The following GABBR2 variants were observed in gnomAD, a reference collection of about 807,000 sequenced individuals.
GABBR2 encodes gamma-aminobutyric acid type B receptor subunit 2, also known as G-protein coupled receptor 51.
In GABBR2, 23 loss-of-function variants were observed where a neutral mutation model predicts 105.6. The ratio of observed to expected loss-of-function variants is 0.22; its 90% CI spans 0.16 to 0.31. The LOEUF (loss-of-function observed/expected upper bound fraction) is 0.31, where lower values mean the gene tolerates loss of function less well. Ranked by LOEUF, GABBR2 falls within the 10% of genes least tolerant of loss-of-function variation. The pLI, the probability that GABBR2 is intolerant of heterozygous loss-of-function variation, is 1.00. For synonymous variants in GABBR2, 478 were observed against 499.7 expected (o/e 0.96, Z 0.58); for missense variants, 734 against 1,245.5 (o/e 0.59, Z 6.18).
At chr9:98,493,812 C>A (rs972621024) in intron 4 of GABBR2, among the ~76,000 whole-genome samples, 1 of 152,190 alleles carries the variant, frequency 6.6e-6, no homozygotes, top group African/African-American at 2.4e-5. Context: ...ACACACTCAA[C>A]AAATTGTTGA....
chr9:98,469,069 C>T (rs1244888806), intron 6 of GABBR2, among the ~76,000 whole-genome samples: 1 of 152,212 alleles, frequency 6.6e-6, no homozygotes, highest in African/African-American at 2.4e-5. Context: ...TCTCACAGTT[C>T]TGGAGGCCAG....
chr9:98,401,961 T>C (rs540402191), intron 8 of GABBR2, among the ~76,000 whole-genome samples: 2 of 152,276 alleles, frequency 1.3e-5, no homozygotes, highest in African/African-American at 2.4e-5. Flanking sequence ...GAAGACCAAA[T>C]GGTAATTAAT....
Position 98,495,471 on chromosome 9 carries a change from C to T in GABBR2, c.732+942G>A, listed in dbSNP as rs10122782. The stretch of plus-strand genomic sequence containing the variant: ...TTGATAGCTCTGATGACACTGGCAC[C>T]TGCTTACAAACCTCCAGGAAGTCCC... On this transcript the variant is annotated intron_variant, in intron 4 of 18. Coordinates refer to ENST00000259455, the MANE Select transcript of GABBR2 (RefSeq NM_005458.8). 2.9e-3 allele frequency among the ~76,000 whole-genome samples: 434 copies of T among 152,178 alleles called. 2 individuals are homozygous for T. Among genetic ancestry groups the T allele is most frequent in the African/African-American group, 1.0e-2 (415 of 41,520 alleles).
chr9:98,577,640 G>A (rs1828938921), intron 2 of GABBR2, among the ~76,000 whole-genome samples: 1 of 152,190 alleles, frequency 6.6e-6, no homozygotes, highest in Non-Finnish European at 1.5e-5. Context: ...AGATAACACT[G>A]GGCAGGCAGG....
At chr9:98,681,989 C>A (rs1038184538) in intron 1 of GABBR2, among the ~76,000 whole-genome samples, 1 of 152,100 alleles carries the variant, frequency 6.6e-6, no homozygotes, top group Admixed American at 6.5e-5. Context: ...TGTAATCCCA[C>A]TTTGGGGGGT....
At chr9:98,663,315 T>G (rs1830291297) in intron 1 of GABBR2, among the ~76,000 whole-genome samples, 1 of 152,050 alleles carries the variant, frequency 6.6e-6, no homozygotes, top group African/African-American at 2.4e-5. Context: ...ATGGAGATAT[T>G]CAGTGCTGGC....
At chr9:98,643,074 A>G (rs908716930) in intron 1 of GABBR2, among the ~76,000 whole-genome samples, 4 of 152,236 alleles carry the variant, frequency 2.6e-5, no homozygotes, top group African/African-American at 9.6e-5. Context: ...TGGGTAATGA[A>G]GTGGAAAAGT....
chr9:98,481,324 G>A (rs1826918221), intron 4 of GABBR2, among the ~76,000 whole-genome samples: 1 of 152,182 alleles, frequency 6.6e-6, no homozygotes, highest in Non-Finnish European at 1.5e-5. Flanking sequence ...ACCAGGGCAG[G>A]CAAATCCTGC....
intron 1 of GABBR2, among the ~76,000 whole-genome samples, chr9:98,635,587 C>T (rs973647788): frequency 6.6e-6 from 1 of 152,068 alleles, no homozygotes; most frequent in Non-Finnish European, 1.5e-5. Context: ...GAGGTGTGAC[C>T]GCCTCTTGAG....
chr9:98,495,451 A>C (rs1356778874), intron 4 of GABBR2, among the ~76,000 whole-genome samples: 1 of 151,998 alleles, frequency 6.6e-6, no homozygotes, highest in Non-Finnish European at 1.5e-5. Flanking sequence ...GGAATTTGAT[A>C]GCTCTGATGA....
chr9:98,417,619 A>G (rs1832711583), intron 7 of GABBR2, among the ~76,000 whole-genome samples: 1 of 152,044 alleles, frequency 6.6e-6, no homozygotes, highest in East Asian at 1.9e-4. Flanking sequence ...GCCACATACA[A>G]TGTTTGTTGA....
intron 1 of GABBR2, among the ~76,000 whole-genome samples, chr9:98,650,402 A>C (rs972775326): frequency 2.6e-5 from 4 of 152,244 alleles, no homozygotes; most frequent in Admixed American, 6.5e-5. Context: ...TTTTTTAAGT[A>C]CTTAGAATTG....
intron 1 of GABBR2, among the ~76,000 whole-genome samples, chr9:98,601,574 G>A (rs1367376896): frequency 6.6e-6 from 1 of 152,146 alleles, no homozygotes; most frequent in African/African-American, 2.4e-5. Flanking sequence ...CCTAATGTCT[G>A]CTATCACCAC....
At chr9:98,702,238 A>G (rs1012261434) in intron 1 of GABBR2, among the ~76,000 whole-genome samples, 2 of 151,900 alleles carry the variant, frequency 1.3e-5, no homozygotes, top group African/African-American at 4.8e-5. Context: ...TTGTCCCCCT[A>G]GGGTGCATCT....
At chr9:98,526,143 T>C (rs553628836) in intron 3 of GABBR2, among the ~76,000 whole-genome samples, 2 of 152,230 alleles carry the variant, frequency 1.3e-5, no homozygotes, top group Non-Finnish European at 2.9e-5. Context: ...GTGGACTTTA[T>C]GGTATGTGAA....
intron 14 of GABBR2, among the ~76,000 whole-genome samples, chr9:98,310,459 G>A (rs1409783218): frequency 6.6e-6 from 1 of 152,086 alleles, no homozygotes; most frequent in African/African-American, 2.4e-5. Flanking sequence ...CGTTGGTCAG[G>A]CTGGTCTCGA....
Position 98,465,971 on chromosome 9 carries a change from C to G in GABBR2, c.999+7175G>C, listed in dbSNP as rs561339874. Among the ~76,000 whole-genome samples, 307 of 152,276 alleles carry G rather than the reference C, an allele frequency of 2.0e-3. 2 individuals carry two copies. The highest frequency in any genetic ancestry group is 6.8e-3 in the Middle Eastern group (2 of 294). On this transcript the variant is annotated intron_variant, in intron 6 of 18. Transcript: ENST00000259455. ...TGGGGCAGGTTTTCCCCTTGCTGTTCTCATGCTAGTGAGTGCGTTCTCACA... is the reference window on the plus strand; with the variant it reads ...TGGGGCAGGTTTTCCCCTTGCTGTTGTCATGCTAGTGAGTGCGTTCTCACA...
chr9:98,315,636 G>A (rs1830702410), intron 13 of GABBR2, among the ~76,000 whole-genome samples: 1 of 152,230 alleles, frequency 6.6e-6, no homozygotes, highest in East Asian at 1.9e-4. Flanking sequence ...CATGCAACCT[G>A]CAGGGGCAGG....
intron 7 of GABBR2, among the ~76,000 whole-genome samples, chr9:98,414,926 G>A (rs1292403361): frequency 6.6e-6 from 1 of 152,190 alleles, no homozygotes; most frequent in Non-Finnish European, 1.5e-5. Flanking sequence ...GTCCACGAAT[G>A]ATCACGTGGA....
Sources: allele counts gnomAD v4.1 joint callset (sites outside exome capture counted in the v4.1 genomes callset), GRCh38; gene constraint gnomAD v4.1.1; transcripts MANE v1.5; gene names NCBI Gene and HGNC (gene_info 2026-07-23, HGNC 2026-07-21).